DSCAM: variants seen among roughly 807,000 people sequenced by gnomAD.
DSCAM encodes the protein cell adhesion molecule DSCAM.
Under a neutral mutation model 217.7 loss-of-function variants are expected in DSCAM, and 47 were observed. The observed-to-expected ratio is 0.22, with a 90% CI of 0.17 to 0.28. The LOEUF (loss-of-function observed/expected upper bound fraction) is 0.28, where lower values mean the gene tolerates loss of function less well. Ranked by LOEUF, DSCAM falls within the 10% of genes least tolerant of loss-of-function variation. The probability of loss-of-function intolerance (pLI) is 1.00; values close to 1 mark genes in which losing one functional copy is unlikely to be tolerated. For missense variants in DSCAM, 2,080 were observed against 2,618.3 expected, an observed-to-expected ratio of 0.79 and a Z score of 4.49; for synonymous variants, 1,056 against 1,015.3, an observed-to-expected ratio of 1.04 and a Z score of -0.76.
At chr21:40,116,625 G>A (rs1010191957) in intron 20 of DSCAM, among the ~76,000 whole-genome samples, 2 of 151,626 alleles carry the variant, frequency 1.3e-5, no homozygotes, top group African/African-American at 4.9e-5. Flanking sequence ...TTACATGTGC[G>A]TAAATGGAAT....
At chr21:40,236,611 C>G (rs563121330) in intron 11 of DSCAM, among the ~76,000 whole-genome samples, 1 of 152,150 alleles carries the variant, frequency 6.6e-6, no homozygotes, top group Non-Finnish European at 1.5e-5. Context: ...AGACTCACAA[C>G]CTGGCTCTGC....
chr21:40,256,173 T>A (rs2073367527), intron 11 of DSCAM, among the ~76,000 whole-genome samples: 1 of 152,220 alleles, frequency 6.6e-6, no homozygotes, highest in East Asian at 1.9e-4. Context: ...AGAGTGAATT[T>A]GCAGTTTCAA....
intron 3 of DSCAM, among the ~76,000 whole-genome samples, chr21:40,644,854 C>T (rs186751463): frequency 7.9e-5 from 12 of 152,262 alleles, no homozygotes; most frequent in African/African-American, 2.9e-4. Context: ...AACGTTCCAT[C>T]CCTAAAATCT....
intron 21 of DSCAM, among the ~76,000 whole-genome samples, chr21:40,088,485 C>T (rs7282525): frequency 0.68 from 103,177 of 152,012 alleles, 35,540 homozygotes; most frequent in African/African-American, 0.76. Flanking sequence ...ACATTTTTGC[C>T]TCTGGGCACT....
At chr21:40,556,677 G>C (rs1289263545) in intron 3 of DSCAM, among the ~76,000 whole-genome samples, 4 of 139,258 alleles carry the variant, frequency 2.9e-5, no homozygotes, top group Non-Finnish European at 6.4e-5. Flanking sequence ...GGAGGTACCA[G>C]AATCTTTTTA....
At chr21:40,480,957 A>C (rs2075977040) in intron 3 of DSCAM, among the ~76,000 whole-genome samples, 1 of 152,202 alleles carries the variant, frequency 6.6e-6, no homozygotes, top group Non-Finnish European at 1.5e-5. Flanking sequence ...CTGGGAAAAA[A>C]ACAACTCTTT....
chr21:40,065,790 C>T (rs1385776220), intron 27 of DSCAM, among the ~76,000 whole-genome samples: 1 of 152,168 alleles, frequency 6.6e-6, no homozygotes, highest in Non-Finnish European at 1.5e-5. Flanking sequence ...ACACTGATAC[C>T]CACACTGCAG....
intron 3 of DSCAM, among the ~76,000 whole-genome samples, chr21:40,497,083 G>A (rs1157415882): frequency 1.3e-5 from 2 of 152,108 alleles, no homozygotes; most frequent in Non-Finnish European, 2.9e-5. Flanking sequence ...ACAGTATAGA[G>A]GTTCTTCAAA....
Position 40,520,574 on chromosome 21 carries a change from C to T in DSCAM, c.509-151329G>A, listed in dbSNP as rs150866181. ...CTGTAATCCCAGCACTTTGGGAGGC[C>T]GAGGCGGGCAGATCACGAGATCAGG... On this transcript the variant is annotated intron_variant, in intron 3 of 32. Transcript: ENST00000400454. Among the ~76,000 whole-genome samples the T allele has an allele frequency of 4.6e-5, 7 of 152,022 alleles. No homozygotes were observed. In the East Asian group the frequency reaches 1.4e-3, roughly 29 times the overall value.
chr21:40,198,162 A>C (rs534587304), intron 11 of DSCAM, among the ~76,000 whole-genome samples: 2 of 152,208 alleles, frequency 1.3e-5, no homozygotes, highest in Non-Finnish European at 2.9e-5. Flanking sequence ...GACTGGCTAC[A>C]CAATTTGCAG....
chr21:40,393,107 C>G (rs2075148693), intron 3 of DSCAM, among the ~76,000 whole-genome samples: 1 of 152,166 alleles, frequency 6.6e-6, no homozygotes, highest in Admixed American at 6.5e-5. Context: ...ATTGAGACCA[C>G]AAAGTCTTCT....
Position 40,138,653 on chromosome 21 carries a change from G to A in DSCAM, c.3406+3905C>T, listed in dbSNP as rs1201281989. Among the ~76,000 whole-genome samples, 3 of 144,244 alleles carry A rather than the reference G, an allele frequency of 2.1e-5. No homozygotes were observed. In the South Asian group the frequency reaches 6.8e-4, roughly 33 times the overall value. The allele number at this position is 144,244 out of a possible 152,430, so 94.6% of individuals were successfully genotyped here. On this transcript the variant is annotated intron_variant, in intron 18 of 32. Transcript: ENST00000400454. ...TATGTGGGGTACGTGTGTGTGGGGG[G>A]TGTGTGTGGTGTGATATGTGGTGTA...
rs772422500 is a variant in DSCAM, at chr21:40,312,320, G to C, written c.1823C>G (p.Ser608Cys). Residue 608 changes from serine to cysteine, a missense_variant, in exon 9 of 33, where the codon TCC becomes TGC. By Grantham distance (112) the Ser-to-Cys change is moderately radical. This residue lies in a region of DSCAM where 218 missense variants were observed against 364.1 expected (regional missense o/e 0.60). Transcript: ENST00000400454. ...GGGGATGAAGACCCGCTGCCCAATG[G>C]AGAATCTTGGAAACTCAAAGGGTTG... Reference protein sequence around the residue: ...FIQPFEFPRFSIGQRVFIPCV... With the variant: ...FIQPFEFPRFCIGQRVFIPCV... 1.2e-6 allele frequency: 2 copies of C among 1,614,010 alleles called. No individual in the cohort carries two copies. The highest frequency in any genetic ancestry group is 1.7e-6 in the Non-Finnish European group (2 of 1,179,976).
intron 16 of DSCAM, among the ~76,000 whole-genome samples, chr21:40,159,649 T>A (rs2090517985): frequency 6.6e-6 from 1 of 152,230 alleles, no homozygotes. Context: ...TTGAGCAATC[T>A]TGGCTCACTG....
intron 3 of DSCAM, among the ~76,000 whole-genome samples, chr21:40,603,261 A>T (rs1034050533): frequency 6.6e-6 from 1 of 152,152 alleles, no homozygotes; most frequent in Admixed American, 6.5e-5. Flanking sequence ...AGTCTTGGTG[A>T]ATAGACCATG....
chr21:40,351,657 A>G (rs1158291919), intron 5 of DSCAM, among the ~76,000 whole-genome samples: 2 of 152,210 alleles, frequency 1.3e-5, no homozygotes, highest in Non-Finnish European at 2.9e-5. Context: ...CTGCAGTTAG[A>G]AGAAGCAGTC....
chr21:40,671,730 T>C (rs1472050579), intron 3 of DSCAM, among the ~76,000 whole-genome samples: 1 of 119,534 alleles, frequency 8.4e-6, no homozygotes. Flanking sequence ...ATGGGAAAAA[T>C]GGAAAAATAG....
Position 40,338,375 on chromosome 21 carries a change from C to T in DSCAM, c.1509G>A (p.Gly503=). The change falls in exon 8 of 33, where the codon GGG becomes GGA. Residue 503 remains glycine (G), a splice_region_variant and synonymous_variant. Transcript: ENST00000400454. ...VLYQARINVR[G]PASIRPMKNI... is the part of the protein sequence containing the mutation. ...TTTTCATTGGTCGAATGCTTGCAGGCCCTGGAGAGACACAAAGAAACTCTT... is the reference window on the plus strand; with the variant it reads ...TTTTCATTGGTCGAATGCTTGCAGGTCCTGGAGAGACACAAAGAAACTCTT... 1 of 1,608,594 alleles carries T rather than the reference C, an allele frequency of 6.2e-7. No homozygotes were observed. The highest frequency in any genetic ancestry group is 1.1e-5 in the South Asian group (1 of 90,832).
At chr21:40,599,372 G>A (rs1204240204) in intron 3 of DSCAM, among the ~76,000 whole-genome samples, 3 of 151,956 alleles carry the variant, frequency 2.0e-5, no homozygotes, top group Non-Finnish European at 2.9e-5. Flanking sequence ...TCCCTCCCTT[G>A]GCCCCCAACC....
Sources: gnomAD v4.1 joint callset for allele counts (sites outside exome capture counted in the v4.1 genomes callset) on GRCh38, gnomAD v4.1.1 for gene constraint, gnomAD v4.1.1 regional missense constraint, MANE v1.5 for transcripts, NCBI Gene and HGNC (gene_info 2026-07-23, HGNC 2026-07-21) for gene names.